The following MAP3K20 variants were observed in gnomAD, a reference collection of about 807,000 sequenced individuals.
MAP3K20 encodes mitogen-activated protein kinase kinase kinase 20, also known as HCCS-4.
A neutral mutation model predicts 85.7 loss-of-function variants in MAP3K20; 40 were observed. That is an observed-to-expected ratio of 0.47 (90% confidence interval 0.36 to 0.61). MAP3K20 has a LOEUF of 0.61. Ranked by LOEUF, MAP3K20 falls within the 20% of genes least tolerant of loss-of-function variation. The pLI, the probability that MAP3K20 is intolerant of heterozygous loss-of-function variation, is 0.00. For synonymous variants in MAP3K20, 325 were observed against 327.7 expected (o/e 0.99, Z 0.09); for missense variants, 817 against 961.7 (o/e 0.85, Z 1.99).
At chr2:173,182,307 A>C (rs1407328863) in intron 3 of MAP3K20, among the ~76,000 whole-genome samples, 1 of 152,212 alleles carries the variant, frequency 6.6e-6, no homozygotes, top group African/African-American at 2.4e-5. Flanking sequence ...TGGTTGCCCA[A>C]CTTTATGAAC....
intron 2 of MAP3K20, among the ~76,000 whole-genome samples, chr2:173,145,693 G>A (rs369999658): frequency 4.6e-5 from 7 of 152,058 alleles, no homozygotes; most frequent in Non-Finnish European, 8.8e-5. Context: ...ACCTCTTTGG[G>A]ATGCTCTTTG....
intron 14 of MAP3K20, among the ~76,000 whole-genome samples, chr2:173,236,363 G>A (rs1684648970): frequency 6.6e-6 from 1 of 150,586 alleles, no homozygotes; most frequent in South Asian, 2.1e-4. Context: ...AAGCCCTGTT[G>A]GAAGCAGCCA....
chr2:173,081,004 T>C (rs1027175574), intron 1 of MAP3K20, among the ~76,000 whole-genome samples: 9 of 152,190 alleles, frequency 5.9e-5, no homozygotes, highest in African/African-American at 1.7e-4. Flanking sequence ...ATTGTGGGGA[T>C]AAATGAATGT....
Position 173,209,782 on chromosome 2 carries a change from CA to C in MAP3K20, c.799del (p.Thr267ArgfsTer28), listed in dbSNP as rs1559280188. 2 of 1,613,988 alleles carry C rather than the reference CA, an allele frequency of 1.2e-6. No homozygotes were observed. The highest frequency in any genetic ancestry group is 1.7e-6 in the Non-Finnish European group (2 of 1,179,956). ...ISILESMSND[T>X]SLPDKCNSFL... Reference sequence around the variant, plus strand: ...CAATCCTGGAGTCCATGTCAAATGACACGAGCCTTCCTGACAAGTGTAACTC... The same window carrying C: ...CAATCCTGGAGTCCATGTCAAATGACCGAGCCTTCCTGACAAGTGTAACTC... On this transcript the variant is annotated frameshift_variant, in exon 10 of 20. Coordinates refer to ENST00000375213, the MANE Select transcript of MAP3K20 (RefSeq NM_016653.3). LOFTEE classifies it high-confidence loss of function.
At chr2:173,162,020 T>C (rs1342413585) in intron 2 of MAP3K20, among the ~76,000 whole-genome samples, 2 of 152,202 alleles carry the variant, frequency 1.3e-5, no homozygotes, top group African/African-American at 4.8e-5. Flanking sequence ...AACATGCCTG[T>C]ACTGCTTTTT....
At chr2:173,167,446 G>C (rs1017230381) in intron 2 of MAP3K20, among the ~76,000 whole-genome samples, 3 of 151,998 alleles carry the variant, frequency 2.0e-5, no homozygotes, top group Non-Finnish European at 4.4e-5. Context: ...TCTGTTTACT[G>C]TTGGCCCATT....
At chr2:173,135,857 T>C (rs146235319) in intron 2 of MAP3K20, among the ~76,000 whole-genome samples, 1 of 152,328 alleles carries the variant, frequency 6.6e-6, no homozygotes, top group African/African-American at 2.4e-5. Flanking sequence ...GTATCACCAG[T>C]TTTTATTAAC....
intron 16 of MAP3K20, among the ~76,000 whole-genome samples, chr2:173,258,067 A>T (rs1685200006): frequency 6.6e-6 from 1 of 152,232 alleles, no homozygotes; most frequent in African/African-American, 2.4e-5. Context: ...ACATGGGAAC[A>T]ATCAACAGAA....
chr2:173,263,213 C>A (rs143721390), intron 18 of MAP3K20, among the ~76,000 whole-genome samples: 1 of 152,184 alleles, frequency 6.6e-6, no homozygotes, highest in East Asian at 1.9e-4. Context: ...TCCTGTCTCA[C>A]TTTTGCATCT....
intron 11 of MAP3K20, chr2:173,222,557 T>TG (rs1684281123): frequency 1.0e-6 from 1 of 985,674 alleles, no homozygotes; most frequent in Non-Finnish European, 1.2e-6. Context: ...ATGCCTCTCC[T>TG]GTATTTTCCA....
chr2:173,214,554 A>G (rs959359613), intron 10 of MAP3K20: 1 of 152,246 alleles, frequency 6.6e-6, no homozygotes, highest in Admixed American at 6.5e-5. Context: ...CATGTAATAT[A>G]TAACACATTT....
chr2:173,265,076 T>C (rs10497398), intron 19 of MAP3K20, among the ~76,000 whole-genome samples: 14,578 of 152,312 alleles, frequency 0.096, 744 homozygotes, highest in South Asian at 0.17. Context: ...TGTGATGGAC[T>C]GAAGCCTGGG....
intron 1 of MAP3K20, among the ~76,000 whole-genome samples, chr2:173,079,671 CT>C (rs35434232): frequency 0.39 from 59,444 of 151,742 alleles, 13,000 homozygotes; most frequent in African/African-American, 0.58. Flanking sequence ...ATTTGTTTTG[CT>C]TCTTAAACTT....
chr2:173,244,338 G>T (rs927446282), intron 16 of MAP3K20, among the ~76,000 whole-genome samples: 1 of 152,208 alleles, frequency 6.6e-6, no homozygotes, highest in Non-Finnish European at 1.5e-5. Flanking sequence ...GCTTGAAGAG[G>T]TTGGTGGGCA....
intron 2 of MAP3K20, among the ~76,000 whole-genome samples, chr2:173,142,998 G>T (rs1352896136): frequency 6.6e-6 from 1 of 152,084 alleles, no homozygotes; most frequent in African/African-American, 2.4e-5. Flanking sequence ...TCGCACTCCA[G>T]CCTGGACAGC....
intron 10 of MAP3K20, chr2:173,211,471 C>G (rs900250581): frequency 6.6e-6 from 1 of 152,284 alleles, no homozygotes; most frequent in Admixed American, 6.5e-5. Flanking sequence ...CCACGCCTGC[C>G]GTCACACCCC....
chr2:173,228,697 G>A (rs2106328537), intron 11 of MAP3K20, among the ~76,000 whole-genome samples: 1 of 152,270 alleles, frequency 6.6e-6, no homozygotes, highest in East Asian at 1.9e-4. Flanking sequence ...CTTGAAGGCA[G>A]GGGCTGTGCC....
chr2:173,222,916 TAA>T (rs1034718690), intron 11 of MAP3K20: 1 of 985,204 alleles, frequency 1.0e-6, no homozygotes, highest in Non-Finnish European at 1.2e-6. Flanking sequence ...GCAAAAGAAC[TAA>T]GACTTTTTTC....
intron 2 of MAP3K20, among the ~76,000 whole-genome samples, chr2:173,117,244 T>C (rs1262740375): frequency 6.6e-6 from 1 of 152,222 alleles, no homozygotes; most frequent in East Asian, 1.9e-4. Context: ...AGTTTCTTTT[T>C]TGAAGCAGGG....
Sources: gnomAD v4.1 joint callset for allele counts (sites outside exome capture counted in the v4.1 genomes callset) on GRCh38, gnomAD v4.1.1 for gene constraint, MANE v1.5 for transcripts, NCBI Gene and HGNC (gene_info 2026-07-23, HGNC 2026-07-21) for gene names.